The following CRISP2 variants were observed in gnomAD, a reference collection of about 807,000 sequenced individuals.
CRISP2 encodes the protein cysteine-rich secretory protein 2.
CRISP2 carries 29 observed loss-of-function variants against 31.7 expected under a neutral mutation model. The ratio of observed to expected loss-of-function variants is 0.92; its 90% CI spans 0.68 to 1.25. The LOEUF (loss-of-function observed/expected upper bound fraction) is 1.25, where lower values mean the gene tolerates loss of function less well. Among genes scored for constraint, CRISP2 ranks in the 50% most tolerant of loss-of-function variants. CRISP2 has a pLI of 0.00. For missense variants in CRISP2, 318 were observed against 286.5 expected, an observed-to-expected ratio of 1.11 and a Z score of -0.79; for synonymous variants, 111 against 101.4, an observed-to-expected ratio of 1.09 and a Z score of -0.57.
At chr6:49,697,557 C>T (rs1160882981) in intron 8 of CRISP2, 2 of 463,000 alleles carry the variant, frequency 4.3e-6, no homozygotes, top group Non-Finnish European at 7.6e-6. Flanking sequence ...TGTGATGATA[C>T]CAATTCTAGA....
intron 2 of CRISP2, 88 bp from the exon 3 acceptor site, chr6:49,711,409 A>G (rs1767991562): frequency 6.6e-6 from 1 of 152,332 alleles, no homozygotes; most frequent in Non-Finnish European, 1.5e-5. Flanking sequence ...TGTTAAATAA[A>G]TCTAAGTCAA....
chr6:49,683,228 C>T, the CRISP2 span, among the ~76,000 whole-genome samples: 1 of 151,010 alleles, frequency 6.6e-6, no homozygotes, highest in Admixed American at 6.6e-5. Flanking sequence ...CAATACAGCA[C>T]ACAAAATCTT....
At chr6:49,677,205 C>T in the CRISP2 span, among the ~76,000 whole-genome samples, 3 of 152,162 alleles carry the variant, frequency 2.0e-5, no homozygotes, top group Admixed American at 6.6e-5. Context: ...GTTATCTTGG[C>T]GATGGTTTCA....
At chr6:49,709,263 A>C in intron 3 of CRISP2, 58 bp from the exon 4 acceptor site, 1 of 1,412,876 alleles carries the variant, frequency 7.1e-7, no homozygotes, top group Non-Finnish European at 9.9e-7. Context: ...AACTTCTAAG[A>C]GGGGGAATAC....
intron 2 of CRISP2, among the ~76,000 whole-genome samples, chr6:49,712,259 C>A (rs1369269081): frequency 6.6e-6 from 1 of 152,220 alleles, no homozygotes; most frequent in East Asian, 1.9e-4. Flanking sequence ...ATCTGATGAG[C>A]CAGAATTCTA....
chr6:49,713,948 A>G (rs1042256679), upstream of CRISP2, among the ~76,000 whole-genome samples: 1 of 152,292 alleles, frequency 6.6e-6, no homozygotes, highest in Middle Eastern at 3.4e-3. Context: ...TGCCAGTGTC[A>G]TGCCAACGAC....
intron 9 of CRISP2, 39 bp downstream of exon 9, chr6:49,695,797 C>A (rs1467717705): frequency 7.7e-7 from 1 of 1,292,206 alleles, no homozygotes; most frequent in Non-Finnish European, 1.1e-6. Context: ...AATATCAATT[C>A]TATAATAAAT....
chr6:49,695,475 A>T (rs2127389526), intron 9 of CRISP2, among the ~76,000 whole-genome samples: 1 of 152,322 alleles, frequency 6.6e-6, no homozygotes, highest in African/African-American at 2.4e-5. Context: ...CACACTTTAG[A>T]TTTATACATT....
At chr6:49,681,653 T>C in the CRISP2 span, among the ~76,000 whole-genome samples, 2 of 152,210 alleles carry the variant, frequency 1.3e-5, no homozygotes, top group African/African-American at 4.8e-5. Flanking sequence ...ACATATAATA[T>C]CATGGTTTAA....
intron 6 of CRISP2, among the ~76,000 whole-genome samples, chr6:49,699,439 A>T (rs1357305625): frequency 6.6e-6 from 1 of 151,604 alleles, no homozygotes; most frequent in Non-Finnish European, 1.5e-5. Flanking sequence ...TGGGTTAGAA[A>T]TCAGAAAGCT....
At chr6:49,691,159 C>T (rs1323456843), downstream of CRISP2, among the ~76,000 whole-genome samples, 1 of 151,950 alleles carries the variant, frequency 6.6e-6, no homozygotes, top group Non-Finnish European at 1.5e-5. Flanking sequence ...CTTTCAAATG[C>T]CACCCCAATA....
the CRISP2 span, among the ~76,000 whole-genome samples, chr6:49,682,836 C>G: frequency 6.7e-6 from 1 of 148,892 alleles, no homozygotes; most frequent in Non-Finnish European, 1.5e-5. Flanking sequence ...CCATCCCTTC[C>G]TCCCTTCCTC....
intron 4 of CRISP2, among the ~76,000 whole-genome samples, chr6:49,703,484 T>C (rs1255302844): frequency 6.6e-6 from 1 of 152,194 alleles, no homozygotes; most frequent in Non-Finnish European, 1.5e-5. Flanking sequence ...TTGTGTCATT[T>C]ATAATTTCTT....
At chr6:49,698,575 C>T in intron 6 of CRISP2, 68 bp from the exon 7 acceptor site, 1 of 1,509,662 alleles carries the variant, frequency 6.6e-7, no homozygotes, top group African/African-American at 1.4e-5. Context: ...ACTACACAAA[C>T]ACAAAGATGT....
intron 5 of CRISP2, among the ~76,000 whole-genome samples, chr6:49,700,114 G>A (rs982049292): frequency 7.2e-5 from 11 of 152,220 alleles, no homozygotes; most frequent in Non-Finnish European, 1.5e-4. Flanking sequence ...ACAATAATAT[G>A]TGATTATTTA....
chr6:49,699,869 G>C lies in CRISP2; in HGVS notation c.206C>G (p.Thr69Arg). Residue 69 changes from threonine (T) to arginine (R), a missense_variant, in exon 6 of 10, where the codon ACG (threonine) becomes AGG (arginine). Thr to Arg is a moderately conservative substitution (Grantham distance 71). Coordinates refer to ENST00000339139, the MANE Select transcript of CRISP2 (RefSeq NM_003296.4). ...CTTGTTTGCCCACCTTTGGGCATTC[G>C]TTGTTACCTCTCTGCTCCATTCCTA... is the stretch of plus-strand genomic sequence containing the variant. ...LKMEWSREVT[T>R]NAQRWANKCT... is the part of the protein sequence containing the mutation. The C allele has an allele frequency of 6.2e-7, 1 of 1,612,456 alleles. No homozygotes were observed. The highest frequency in any genetic ancestry group is 1.7e-4 in the Middle Eastern group (1 of 6,052).
chr6:49,686,220 G>T, the CRISP2 span, among the ~76,000 whole-genome samples: 1,287 of 152,216 alleles, frequency 8.5e-3, 12 homozygotes, highest in African/African-American at 0.029. Context: ...CATTTTAAAA[G>T]CTGCATAATA....
chr6:49,701,274 C>A (rs1765627310), intron 4 of CRISP2, among the ~76,000 whole-genome samples: 1 of 151,802 alleles, frequency 6.6e-6, no homozygotes, highest in Non-Finnish European at 1.5e-5. Flanking sequence ...TCCCACGCCA[C>A]CCTCCCACAT....
downstream of CRISP2, among the ~76,000 whole-genome samples, chr6:49,688,147 A>G (rs1763944051): frequency 2.0e-5 from 3 of 152,230 alleles, no homozygotes; most frequent in South Asian, 6.2e-4. Context: ...TAAGACAAGC[A>G]AAGTCTTACT....
Sources: gnomAD v4.1 joint callset for allele counts (sites outside exome capture counted in the v4.1 genomes callset) on GRCh38, gnomAD v4.1.1 for gene constraint, MANE v1.5 for transcripts, NCBI Gene and HGNC (gene_info 2026-07-23, HGNC 2026-07-21) for gene names.